PKNOX2: variants seen among roughly 807,000 people sequenced by gnomAD.
The protein encoded by PKNOX2 is PBX/knotted 1 homeobox 2, also known as homeobox protein PKNOX2.
A neutral mutation model predicts 53.1 loss-of-function variants in PKNOX2; 14 were observed. That is an observed-to-expected ratio of 0.26 (90% CI 0.17 to 0.41). The LOEUF (loss-of-function observed/expected upper bound fraction) is 0.41, where lower values mean the gene tolerates loss of function less well. PKNOX2 is among the 10% of genes least tolerant of loss of function. The probability of loss-of-function intolerance (pLI) is 1.00; values close to 1 mark genes in which losing one functional copy is unlikely to be tolerated. For missense variants in PKNOX2, 496 were observed against 602.8 expected (o/e 0.82, Z 1.85); for synonymous variants, 257 against 242.8 (o/e 1.06, Z -0.54).
At chr11:125,186,174 G>T (rs536837433) in intron 1 of PKNOX2, among the ~76,000 whole-genome samples, 1 of 152,024 alleles carries the variant, frequency 6.6e-6, no homozygotes, top group South Asian at 2.1e-4. Flanking sequence ...TTCATTATTG[G>T]ACATTTGTAT....
intron 2 of PKNOX2, among the ~76,000 whole-genome samples, chr11:125,248,132 A>G (rs1321513460): frequency 1.3e-5 from 2 of 152,162 alleles, no homozygotes; most frequent in South Asian, 2.1e-4. Context: ...TGAATTTGCA[A>G]TAGATGTTTC....
intron 1 of PKNOX2, among the ~76,000 whole-genome samples, chr11:125,199,788 G>A (rs1055679143): frequency 5.3e-5 from 8 of 152,144 alleles, no homozygotes; most frequent in African/African-American, 1.9e-4. Flanking sequence ...TGGAGGTTGC[G>A]GTGAGCCGAG....
chr11:125,248,968 A>G (rs1235892755), intron 2 of PKNOX2, among the ~76,000 whole-genome samples: 2 of 143,900 alleles, frequency 1.4e-5, no homozygotes, highest in Non-Finnish European at 3.0e-5. Context: ...ATACATACAT[A>G]TATACATATA....
At chr11:125,394,382 G>C (rs890709819) in intron 6 of PKNOX2, among the ~76,000 whole-genome samples, 1 of 152,212 alleles carries the variant, frequency 6.6e-6, no homozygotes, top group Non-Finnish European at 1.5e-5. Context: ...TTCTTAGGAG[G>C]AGACCTTGTG....
intron 2 of PKNOX2, among the ~76,000 whole-genome samples, chr11:125,298,390 G>T (rs1216643671): frequency 6.6e-6 from 1 of 152,184 alleles, no homozygotes. Context: ...TCACAGGTTT[G>T]CAGGAGGCTT....
chr11:125,302,207 C>T (rs1343436215), intron 2 of PKNOX2, among the ~76,000 whole-genome samples: 2 of 152,148 alleles, frequency 1.3e-5, no homozygotes, highest in East Asian at 1.9e-4. Flanking sequence ...GCTGCAGCAT[C>T]GCAGGCAAAG....
At chr11:125,399,898 G>A (rs947490819) in intron 7 of PKNOX2, among the ~76,000 whole-genome samples, 12 of 152,324 alleles carry the variant, frequency 7.9e-5, no homozygotes, top group African/African-American at 1.7e-4. Context: ...GAAACCAGTC[G>A]GTCACTGGAG....
intron 1 of PKNOX2, chr11:125,190,861 T>C (rs1273193367): frequency 6.6e-6 from 1 of 152,282 alleles, no homozygotes; most frequent in Non-Finnish European, 1.5e-5. Flanking sequence ...AATTATTGTC[T>C]GCACAATTCA....
chr11:125,195,988 C>T (rs1462135675), intron 1 of PKNOX2, among the ~76,000 whole-genome samples: 1 of 152,056 alleles, frequency 6.6e-6, no homozygotes, highest in African/African-American at 2.4e-5. Flanking sequence ...CAGCCTCAGG[C>T]CGGTCCCCTC....
chr11:125,353,881 C>T (rs988187663), intron 4 of PKNOX2, among the ~76,000 whole-genome samples: 24 of 151,826 alleles, frequency 1.6e-4, no homozygotes, highest in Non-Finnish European at 2.9e-4. Flanking sequence ...CCAAGGAAAC[C>T]GAGCAGGATG....
chr11:125,411,133 T>C (rs1955485816), intron 9 of PKNOX2: 5 of 428,132 alleles, frequency 1.2e-5, no homozygotes, highest in Non-Finnish European at 2.1e-5. Flanking sequence ...ACTGAGCCGC[T>C]GTGTCCCTCA....
chr11:125,293,778 CACAG>C (rs994534431), intron 2 of PKNOX2, among the ~76,000 whole-genome samples: 2 of 143,348 alleles, frequency 1.4e-5, no homozygotes, highest in African/African-American at 2.5e-5. Flanking sequence ...CACATACTGA[CACAG>C]ACACGCTCAC....
At chr11:125,228,281 A>G (rs1490938300) in intron 1 of PKNOX2, among the ~76,000 whole-genome samples, 2 of 152,292 alleles carry the variant, frequency 1.3e-5, no homozygotes, top group Non-Finnish European at 1.5e-5. Flanking sequence ...ATTTCATTTC[A>G]TTTTAATTAA....
At chr11:125,423,072 ACATACATATATACG>A (rs1956247211) in intron 10 of PKNOX2, among the ~76,000 whole-genome samples, 1 of 152,200 alleles carries the variant, frequency 6.6e-6, no homozygotes. Flanking sequence ...ATATGTATAC[ACATACATATATACG>A]TATGTATATA....
intron 6 of PKNOX2, among the ~76,000 whole-genome samples, chr11:125,389,279 A>G (rs528752904): frequency 1.3e-5 from 2 of 152,316 alleles, no homozygotes; most frequent in African/African-American, 4.8e-5. Context: ...AGTTCACAGA[A>G]GGAAGTGACT....
intron 2 of PKNOX2, among the ~76,000 whole-genome samples, chr11:125,270,034 A>G (rs1304353565): frequency 1.3e-5 from 2 of 152,234 alleles, no homozygotes. Context: ...TGAATATTCC[A>G]CCATCGCCTC....
chr11:125,204,989 G>A (rs960433712), intron 1 of PKNOX2, among the ~76,000 whole-genome samples: 5 of 152,184 alleles, frequency 3.3e-5, no homozygotes, highest in South Asian at 2.1e-4. Context: ...GGTGCATTGC[G>A]CACAGTGGTT....
intron 5 of PKNOX2, among the ~76,000 whole-genome samples, chr11:125,382,644 G>A (rs1458760725): frequency 6.6e-6 from 1 of 152,196 alleles, no homozygotes; most frequent in African/African-American, 2.4e-5. Context: ...ACCACTGCAG[G>A]GCTCTGCTTA....
Position 125,397,971 on chromosome 11 carries a change from T to G in PKNOX2, c.497T>G (p.Leu166Arg). ...KDFCNRYITCLKTKMHSDNLL... is the reference protein window; with the variant it reads ...KDFCNRYITCRKTKMHSDNLL... ...TTTTGTAACCGTTACATCACCTGCC[T>G]CAAAACCAAGATGCACAGCGACAAC... is the stretch of plus-strand genomic sequence containing the variant. The change falls in exon 7 of 13, where the codon CTC becomes CGC. Residue 166 changes from leucine to arginine, a missense_variant. Transcript: ENST00000298282. The G allele has an allele frequency of 6.2e-7, 1 of 1,614,104 alleles. No homozygotes were observed. The highest frequency in any genetic ancestry group is 8.5e-7 in the Non-Finnish European group (1 of 1,180,014).
Sources: allele counts gnomAD v4.1 joint callset (sites outside exome capture counted in the v4.1 genomes callset), GRCh38; gene constraint gnomAD v4.1.1; transcripts MANE v1.5; gene names NCBI Gene and HGNC (gene_info 2026-07-23, HGNC 2026-07-21).